Variants in DLG2 observed in about 807,000 individuals in gnomAD.
The protein encoded by DLG2 is discs large MAGUK scaffold protein 2.
DLG2 carries 45 observed loss-of-function variants against 132.5 expected under a neutral mutation model. The observed-to-expected ratio is 0.34, with a 90% confidence interval of 0.27 to 0.44. DLG2 has a LOEUF of 0.44. Among genes scored for constraint, DLG2 ranks in the 20% least tolerant of loss-of-function variants. The pLI, the probability that DLG2 is intolerant of heterozygous loss-of-function variation, is 1.00. For missense variants in DLG2, 1,045 were observed against 1,196.9 expected, an observed-to-expected ratio of 0.87 and a Z score of 1.87; for synonymous variants, 424 against 419.6, an observed-to-expected ratio of 1.01 and a Z score of -0.13.
At chr11:85,069,880 A>G (rs2154166307) in intron 6 of DLG2, among the ~76,000 whole-genome samples, 1 of 152,238 alleles carries the variant, frequency 6.6e-6, no homozygotes. Context: ...ACTATTCACA[A>G]TAGCAAAGAC....
At chr11:84,937,711 A>G (rs956527918) in intron 6 of DLG2, among the ~76,000 whole-genome samples, 1 of 152,240 alleles carries the variant, frequency 6.6e-6, no homozygotes, top group African/African-American at 2.4e-5. Context: ...GACTGGTTAG[A>G]AATGAATTAA....
chr11:84,284,146 A>T (rs1226361148), intron 7 of DLG2, among the ~76,000 whole-genome samples: 1 of 152,202 alleles, frequency 6.6e-6, no homozygotes, highest in Non-Finnish European at 1.5e-5. Flanking sequence ...AGGCAGGAGA[A>T]TCACTGGAAC....
At chr11:85,381,177 A>T (rs2085854680) in intron 3 of DLG2, among the ~76,000 whole-genome samples, 1 of 152,172 alleles carries the variant, frequency 6.6e-6, no homozygotes, top group African/African-American at 2.4e-5. Context: ...TGCAGCAACC[A>T]TTGCCATGTA....
At chr11:83,466,676 T>G in intron 26 of DLG2, 32 bp downstream of exon 26, 1 of 1,265,486 alleles carries the variant, frequency 7.9e-7, no homozygotes, top group South Asian at 1.2e-5. Flanking sequence ...AGGGAGTCAG[T>G]TGGATGAAGG....
Position 84,247,446 on chromosome 11 carries a change from T to C in DLG2, c.573+3792A>G, listed in dbSNP as rs553749399. Among the ~76,000 whole-genome samples, 21 of 152,278 alleles carry C rather than the reference T, an allele frequency of 1.4e-4. 1 individual carries two copies. In the East Asian group the frequency reaches 3.5e-3, roughly 25 times the overall value. On this transcript the variant is annotated intron_variant, in intron 8 of 27. Coordinates refer to ENST00000376104, the MANE Select transcript of DLG2 (RefSeq NM_001142699.3). The stretch of plus-strand genomic sequence containing the variant: ...AAGAATAAAAATATTGAGCAAAAAA[T>C]AGAAACTAGAGAGTATTGAAGTGGA...
chr11:84,488,341 G>C (rs969853222), intron 7 of DLG2, among the ~76,000 whole-genome samples: 1 of 152,098 alleles, frequency 6.6e-6, no homozygotes, highest in African/African-American at 2.4e-5. Flanking sequence ...ATAAAGTTCG[G>C]GTAAGGATGG....
chr11:84,209,165 T>C (rs1331603964), intron 8 of DLG2, among the ~76,000 whole-genome samples: 6 of 152,238 alleles, frequency 3.9e-5, no homozygotes, highest in Non-Finnish European at 8.8e-5. Flanking sequence ...ATGTGATGTA[T>C]TGAGAAGGAC....
chr11:85,275,623 G>T (rs113750469), intron 4 of DLG2, among the ~76,000 whole-genome samples: 1 of 151,706 alleles, frequency 6.6e-6, no homozygotes, highest in Non-Finnish European at 1.5e-5. Context: ...TGGATTTTCA[G>T]GAATACTCTC....
At chr11:84,901,654 T>C in intron 6 of DLG2, among the ~76,000 whole-genome samples, 1 of 152,252 alleles carries the variant, frequency 6.6e-6, no homozygotes, top group South Asian at 2.1e-4. Context: ...TCCCTTATAT[T>C]AATAATGTGT....
chr11:84,638,247 A>G (rs1348719858), intron 6 of DLG2, among the ~76,000 whole-genome samples: 4 of 152,228 alleles, frequency 2.6e-5, no homozygotes, highest in Non-Finnish European at 5.9e-5. Flanking sequence ...GCATGGTCCA[A>G]ATGTGTCCTT....
At chr11:84,050,935 T>C (rs554471218) in intron 11 of DLG2, among the ~76,000 whole-genome samples, 80 of 152,048 alleles carry the variant, frequency 5.3e-4, no homozygotes, top group Non-Finnish European at 5.6e-4. Flanking sequence ...GTAATATAGT[T>C]TGAAGCCAGG....
intron 7 of DLG2, among the ~76,000 whole-genome samples, chr11:84,310,618 T>C (rs1191231549): frequency 6.6e-6 from 1 of 152,222 alleles, no homozygotes; most frequent in Non-Finnish European, 1.5e-5. Context: ...ACTTACAATT[T>C]TAATTCCTTC....
intron 3 of DLG2, among the ~76,000 whole-genome samples, chr11:85,485,975 T>C (rs1406675797): frequency 1.3e-5 from 2 of 152,122 alleles, no homozygotes; most frequent in Non-Finnish European, 2.9e-5. Context: ...ACTAGGATAG[T>C]CCACATCATC....
chr11:85,077,828 G>A (rs1036116171), intron 6 of DLG2, among the ~76,000 whole-genome samples: 1 of 151,948 alleles, frequency 6.6e-6, no homozygotes, highest in Non-Finnish European at 1.5e-5. Flanking sequence ...TTTATATTTA[G>A]AGGGATAGTC....
chr11:83,609,282 A>G (rs1301190816), intron 19 of DLG2, among the ~76,000 whole-genome samples: 1 of 152,226 alleles, frequency 6.6e-6, no homozygotes, highest in African/African-American at 2.4e-5. Flanking sequence ...TACAGGCTTC[A>G]GAGACCTGAG....
chr11:83,898,194 A>G (rs1436774457), intron 15 of DLG2, among the ~76,000 whole-genome samples: 1 of 152,178 alleles, frequency 6.6e-6, no homozygotes, highest in East Asian at 1.9e-4. Flanking sequence ...TAAATTATAA[A>G]CTAAACATAA....
rs1157399998 is a variant in DLG2 at position 84,492,462 on chromosome 11, G to A, written c.519+42108C>T. Among the ~76,000 whole-genome samples, 3 of 152,230 alleles carry A rather than the reference G, an allele frequency of 2.0e-5. No individual in the cohort carries two copies. The East Asian group carries it at 5.8e-4, about 29-fold the overall frequency. On this transcript the variant is annotated intron_variant, in intron 7 of 27. Coordinates refer to ENST00000376104, the MANE Select transcript of DLG2 (RefSeq NM_001142699.3). ...ATATATTTAAAGTAGCACAATTAAG[G>A]ACTGAGGCTTTGTAGCAGGTAAATT...
chr11:84,640,360 G>C, intron 6 of DLG2: 1 of 338,978 alleles, frequency 3.0e-6, no homozygotes, highest in South Asian at 2.6e-5. Flanking sequence ...TAAATCCTCA[G>C]GGTTTGGATA....
chr11:84,220,787 T>C (rs1426705464), intron 8 of DLG2, among the ~76,000 whole-genome samples: 21 of 137,270 alleles, frequency 1.5e-4, no homozygotes, highest in Non-Finnish European at 3.0e-4. Context: ...TTTCTTTTTT[T>C]TTTTTTTTTT....
Sources: gnomAD v4.1 joint callset for allele counts (sites outside exome capture counted in the v4.1 genomes callset) on GRCh38, gnomAD v4.1.1 for gene constraint, MANE v1.5 for transcripts, NCBI Gene and HGNC (gene_info 2026-07-23, HGNC 2026-07-21) for gene names.